The following HDAC4 variants were observed in gnomAD, a reference collection of about 807,000 sequenced individuals.
HDAC4 encodes histone deacetylase 4, also known as histone deacetylase A.
Under a neutral mutation model 135.1 loss-of-function variants are expected in HDAC4, and 16 were observed. The observed-to-expected ratio is 0.12, with a 90% CI of 0.08 to 0.18. The LOEUF is 0.18. Ranked by LOEUF, HDAC4 falls within the 10% of genes least tolerant of loss-of-function variation. HDAC4 has a pLI of 1.00. For missense variants in HDAC4, 1,143 were observed against 1,511.8 expected (o/e 0.76, Z 4.05); for synonymous variants, 685 against 653.4 (o/e 1.05, Z -0.74).
chr2:239,188,544 C>G (rs1171352373), intron 4 of HDAC4, among the ~76,000 whole-genome samples: 1 of 152,242 alleles, frequency 6.6e-6, no homozygotes, highest in Admixed American at 6.5e-5. Context: ...CTCAGAAGCA[C>G]CAGGTTGCAT....
At chr2:239,399,868 A>G (rs950187734) in intron 1 of HDAC4, among the ~76,000 whole-genome samples, 2 of 152,224 alleles carry the variant, frequency 1.3e-5, no homozygotes. Context: ...GCAACGCTTT[A>G]TTTGAAAACT....
intron 11 of HDAC4, among the ~76,000 whole-genome samples, chr2:239,128,894 C>A (rs2040380106): frequency 6.6e-6 from 1 of 152,176 alleles, no homozygotes; most frequent in African/African-American, 2.4e-5. Flanking sequence ...CGACTCGAGC[C>A]AGCGGTGTGA....
At chr2:239,278,790 C>T (rs2050538266) in intron 2 of HDAC4, among the ~76,000 whole-genome samples, 1 of 152,196 alleles carries the variant, frequency 6.6e-6, no homozygotes, top group Admixed American at 6.5e-5. Flanking sequence ...AACGGCTTTC[C>T]TGCCCATCAG....
intron 8 of HDAC4, among the ~76,000 whole-genome samples, chr2:239,143,029 C>T (rs762677451): frequency 2.6e-5 from 4 of 151,842 alleles, no homozygotes; most frequent in Non-Finnish European, 4.4e-5. Context: ...GAGCTCAGCA[C>T]TGATCACGCC....
intron 4 of HDAC4, among the ~76,000 whole-genome samples, chr2:239,180,326 T>C (rs1389267187): frequency 2.0e-5 from 3 of 151,978 alleles, no homozygotes; most frequent in Non-Finnish European, 4.4e-5. Context: ...GTGCAGGGGA[T>C]GAGGAATGGC....
chr2:239,232,515 C>T (rs559031462), intron 3 of HDAC4, among the ~76,000 whole-genome samples: 1 of 151,558 alleles, frequency 6.6e-6, no homozygotes, highest in East Asian at 2.0e-4. Context: ...CTGGGATCTG[C>T]CTCGGTGTCA....
At chr2:239,126,222 C>T (rs114021613) in intron 12 of HDAC4, among the ~76,000 whole-genome samples, 14 of 152,370 alleles carry the variant, frequency 9.2e-5, no homozygotes, top group African/African-American at 3.1e-4. Flanking sequence ...TGGCCCTGCG[C>T]GTCCCACTCC....
intron 11 of HDAC4, among the ~76,000 whole-genome samples, chr2:239,132,606 G>T (rs112815092): frequency 4.9e-4 from 74 of 152,350 alleles, no homozygotes; most frequent in African/African-American, 1.6e-3. Flanking sequence ...GGAAAAGAGG[G>T]ATGAGCGCAC....
At chr2:239,274,589 G>A (rs895373280) in intron 2 of HDAC4, among the ~76,000 whole-genome samples, 1 of 152,196 alleles carries the variant, frequency 6.6e-6, no homozygotes. Context: ...CGGTAAAAAC[G>A]AGAACCTCAT....
chr2:239,169,413 C>T (rs934095300), intron 5 of HDAC4, among the ~76,000 whole-genome samples: 16 of 152,362 alleles, frequency 1.1e-4, no homozygotes, highest in East Asian at 3.9e-4. Flanking sequence ...CAAAGCCCCG[C>T]GCACAGGGCT....
chr2:239,387,045 ATCTG>A (rs1386180422), intron 1 of HDAC4, among the ~76,000 whole-genome samples: 2 of 152,182 alleles, frequency 1.3e-5, no homozygotes, highest in Non-Finnish European at 2.9e-5. Flanking sequence ...CCGTGCGTCT[ATCTG>A]TATGAGGGTG....
At position 239,082,210 on chromosome 2, in the gene HDAC4, A is replaced by G; in HGVS notation, c.2544T>C (p.His848=). 2 of 1,614,230 alleles carry G rather than the reference A, an allele frequency of 1.2e-6. No individual in the cohort carries two copies. The highest frequency in any genetic ancestry group is 1.1e-5 in the South Asian group (1 of 91,086). The change falls in exon 21 of 27, where the codon CAT becomes CAC. Residue 848 remains histidine (H), a synonymous_variant. Transcript: ENST00000543185. ...KILIVDWDVH[H]GNGTQQAFYS... is the part of the protein sequence containing the mutation. ...AGAAAGCCTGCTGGGTCCCGTTTCC[A>G]TGGTGCACGTCCTTAAAGAGCAGGG...
intron 2 of HDAC4, among the ~76,000 whole-genome samples, chr2:239,282,222 A>G (rs1470863211): frequency 7.8e-6 from 1 of 127,502 alleles, no homozygotes; most frequent in Non-Finnish European, 1.7e-5. Flanking sequence ...ACCTCTCTAC[A>G]CAATGTACAC....
Position 239,053,019 on chromosome 2 carries a change from G to T in HDAC4, c.*78C>A. 6.4e-7 allele frequency: 1 copy of T among 1,551,656 alleles called. No homozygotes were observed. Among genetic ancestry groups the T allele is most frequent in the Non-Finnish European group, 8.9e-7 (1 of 1,123,044 alleles). ...AAGAGAGCCCCACGGTGGGACGCAG[G>T]CGTGACACGGGAAAGTTTCTTGGCT... On this transcript the variant is annotated 3_prime_UTR_variant, in exon 27 of 27. Coordinates refer to ENST00000543185, the MANE Select transcript of HDAC4 (RefSeq NM_001378414.1).
chr2:239,168,361 A>G (rs1451859861), intron 5 of HDAC4, among the ~76,000 whole-genome samples: 1 of 152,122 alleles, frequency 6.6e-6, no homozygotes, highest in Non-Finnish European at 1.5e-5. Context: ...TAGATTCCCA[A>G]GTGCCGTTAA....
Position 239,307,577 on chromosome 2 carries a change from T to C in HDAC4, c.22+45101A>G, listed in dbSNP as rs1324854614. 6.6e-6 allele frequency among the ~76,000 whole-genome samples: 1 copy of C among 152,218 alleles called. No individual in the cohort carries two copies. On this transcript the variant is annotated intron_variant, in intron 2 of 26. Coordinates refer to ENST00000543185, the MANE Select transcript of HDAC4 (RefSeq NM_001378414.1). The surrounding 1 kb of genome is among the most constrained non-coding windows in gnomAD (Gnocchi z 4.8). ...CTAGATAAAGTGAGTGTCTGCTTCC[T>C]GGACCTCGCAGACTCACCAGGGACC...
intron 1 of HDAC4, among the ~76,000 whole-genome samples, chr2:239,354,403 A>G (rs1188423068): frequency 6.6e-6 from 1 of 152,092 alleles, no homozygotes; most frequent in Non-Finnish European, 1.5e-5. Flanking sequence ...TGCCTCTTCA[A>G]TAGATCAGTC....
intron 3 of HDAC4, among the ~76,000 whole-genome samples, chr2:239,202,610 G>A (rs1423890826): frequency 6.6e-6 from 1 of 152,142 alleles, no homozygotes; most frequent in Non-Finnish European, 1.5e-5. Context: ...TGGCATGGGT[G>A]TGGCTGGTCT....
At chr2:239,124,778 T>C (rs13000161) in intron 12 of HDAC4, among the ~76,000 whole-genome samples, 5,042 of 29,340 alleles carry the variant, frequency 0.17, 200 homozygotes, top group East Asian at 0.23. Flanking sequence ...TCTGGTGTGC[T>C]GGCGTGTGGC....
Sources: allele counts gnomAD v4.1 joint callset (sites outside exome capture counted in the v4.1 genomes callset), GRCh38; gene constraint gnomAD v4.1.1; non-coding constraint Gnocchi (gnomAD v3.1); transcripts MANE v1.5; gene names NCBI Gene and HGNC (gene_info 2026-07-23, HGNC 2026-07-21).